The following FBXL18 variants were observed in gnomAD, a reference collection of about 807,000 sequenced individuals.
FBXL18 encodes F-box and leucine rich repeat protein 18.
In FBXL18, 36 loss-of-function variants were observed where a neutral mutation model predicts 46.0. The observed-to-expected ratio is 0.78, with a 90% CI of 0.60 to 1.03. FBXL18 has a LOEUF of 1.03. FBXL18 is among the 50% of genes least tolerant of loss of function. The pLI is 0.00. For missense variants in FBXL18, 977 were observed against 1,004.1 expected (o/e 0.97, Z 0.36); for synonymous variants, 557 against 465.3 (o/e 1.20, Z -2.54).
downstream of FBXL18, among the ~76,000 whole-genome samples, chr7:5,473,591 G>A (rs763143190): frequency 6.6e-6 from 1 of 151,502 alleles, no homozygotes; most frequent in African/African-American, 2.4e-5. Flanking sequence ...GTGAAACCCC[G>A]TCTCTACTAA....
At chr7:5,465,368 T>C (rs1012489129) in intron 4 of FBXL18, among the ~76,000 whole-genome samples, 1 of 151,916 alleles carries the variant, frequency 6.6e-6, no homozygotes. Flanking sequence ...ACACAGGTAA[T>C]TTTTGTATGT....
intron 4 of FBXL18, among the ~76,000 whole-genome samples, chr7:5,463,704 A>ATATATATATATATATATATAT (rs1562672177): frequency 2.3e-5 from 1 of 43,986 alleles, no homozygotes; most frequent in Non-Finnish European, 4.0e-5. Flanking sequence ...CTATATATAT[A>ATATATATATATATATATATAT]TTTATTTATT....
downstream of FBXL18, among the ~76,000 whole-genome samples, chr7:5,471,959 G>A (rs145200518): frequency 5.3e-3 from 814 of 152,240 alleles, 10 homozygotes; most frequent in African/African-American, 0.019. Context: ...GTGGTGGGGC[G>A]CACCTACAGT....
At chr7:5,460,566 G>C (rs1321997991) in intron 4 of FBXL18, among the ~76,000 whole-genome samples, 1 of 152,212 alleles carries the variant, frequency 6.6e-6, no homozygotes, top group Non-Finnish European at 1.5e-5. Context: ...TGATTCTCAT[G>C]CCTCAACCTC....
chr7:5,481,557 C>G lies in FBXL18; in HGVS notation c.*218G>C, dbSNP rs1025513571. On this transcript the variant is annotated 3_prime_UTR_variant, in exon 5 of 5. Transcript: ENST00000382368. The stretch of plus-strand genomic sequence containing the variant: ...CCACATCGACCGTCCCCCGAGCCCC[C>G]TCATGTCACCCAGAACGCATCCCCT... The G allele has an allele frequency of 1.7e-5, 9 of 531,832 alleles. No individual in the cohort carries two copies. Among genetic ancestry groups the G allele is most frequent in the Non-Finnish European group, 3.0e-5 (9 of 298,016 alleles). 32.9% of individuals were successfully genotyped at this position (531,832 alleles called of 1,614,324 possible).
chr7:5,505,348 G>C, intron 2 of FBXL18, 64 bp downstream of exon 2: 2 of 1,474,336 alleles, frequency 1.4e-6, no homozygotes, highest in Non-Finnish European at 1.9e-6. Context: ...CTGCAGGGCT[G>C]TGCCCAGTCC....
rs574041787 is a variant in FBXL18, at chr7:5,499,171, C to T, written c.1781+1317G>A. 3.9e-5 allele frequency among the ~76,000 whole-genome samples: 6 copies of T among 152,236 alleles called. No homozygotes were observed. The East Asian group carries it at 7.7e-4, about 20-fold the overall frequency. ...GGAGTCTGTGGTCCCCCTCCTGAGC[C>T]GACCTCTCCTGTCTCCTCCATCCTG... is the stretch of plus-strand genomic sequence containing the variant. On this transcript the variant is annotated intron_variant, in intron 3 of 4. Coordinates refer to ENST00000382368, the MANE Select transcript of FBXL18 (RefSeq NM_024963.6).
In FBXL18 at chr7:5,500,632, G is replaced by C. The variant is rs766143098; in HGVS notation, c.1637C>G (p.Thr546Arg). The change falls in exon 3 of 5, where the codon ACG (threonine) becomes AGG (arginine). Residue 546 changes from threonine (T) to arginine (R), a missense_variant. Coordinates refer to ENST00000382368, the MANE Select transcript of FBXL18 (RefSeq NM_024963.6). The stretch of plus-strand genomic sequence containing the variant: ...GCCGATATTGACCAGCCCGGAGCCC[G>C]TAAGGACGCTGGGCAGCTGTGCGAG... ...LTLAQLPSVLTGSGLVNIGLQ... is the reference protein window; with the variant it reads ...LTLAQLPSVLRGSGLVNIGLQ... 3 of 1,612,782 alleles carry C rather than the reference G, an allele frequency of 1.9e-6. No individual in the cohort carries two copies. The African/African-American group carries it at 4.0e-5, about 22-fold the overall frequency.
chr7:5,488,088 C>G (rs924471636), intron 4 of FBXL18, among the ~76,000 whole-genome samples: 6 of 152,254 alleles, frequency 3.9e-5, no homozygotes, highest in Non-Finnish European at 5.9e-5. Flanking sequence ...CTGTGGAGCA[C>G]CAGCCTTCAA....
intron 3 of FBXL18, among the ~76,000 whole-genome samples, chr7:5,497,234 T>C (rs1293463619): frequency 6.6e-6 from 1 of 151,946 alleles, no homozygotes; most frequent in Non-Finnish European, 1.5e-5. Flanking sequence ...AAATTTTACA[T>C]GCATTTTGCG....
intron 2 of FBXL18, among the ~76,000 whole-genome samples, chr7:5,503,486 T>C (rs1270578518): frequency 6.6e-6 from 1 of 151,720 alleles, no homozygotes; most frequent in African/African-American, 2.4e-5. Context: ...CCTGAGTAGC[T>C]GGAACTACAG....
downstream of FBXL18, among the ~76,000 whole-genome samples, chr7:5,475,573 G>C (rs940683819): frequency 6.6e-6 from 1 of 152,196 alleles, no homozygotes; most frequent in Non-Finnish European, 1.5e-5. The surrounding 1 kb of genome is among the most constrained non-coding windows in gnomAD (Gnocchi z 4.2). Context: ...CCCAGCCCAA[G>C]GCTGTCTCAG....
At position 5,501,373 on chromosome 7, in the gene FBXL18, T is replaced by G; in HGVS notation, c.896A>C (p.Lys299Thr). Reference sequence around the variant, plus strand: ...GAGGGAAGAGCCGTTCAGCCAGGACTTGGGCAGCTGCAGGGCATCCAGCAC... The same window carrying G: ...GAGGGAAGAGCCGTTCAGCCAGGACGTGGGCAGCTGCAGGGCATCCAGCAC... Reference protein sequence around the residue: ...NVVLDALQLPKSWLNGSSLLQ... With the variant: ...NVVLDALQLPTSWLNGSSLLQ... The change falls in exon 3 of 5, where the codon AAG (lysine) becomes ACG (threonine). Residue 299 changes from lysine to threonine, a missense_variant. By Grantham distance (78) the Lys-to-Thr change is moderately conservative (BLOSUM62 -1). Transcript: ENST00000382368. 6.2e-7 allele frequency: 1 copy of G among 1,613,828 alleles called. No homozygotes were observed. Among genetic ancestry groups the G allele is most frequent in the Non-Finnish European group, 8.5e-7 (1 of 1,180,004 alleles).
chr7:5,484,237 G>A (rs1044030710), intron 4 of FBXL18, among the ~76,000 whole-genome samples: 17 of 152,134 alleles, frequency 1.1e-4, no homozygotes, highest in Non-Finnish European at 1.5e-5. Context: ...GGAGGCCAAG[G>A]CGGGTGGATC....
intron 1 of FBXL18, among the ~76,000 whole-genome samples, chr7:5,512,071 T>TTA (rs1562710722): frequency 7.7e-6 from 1 of 130,568 alleles, no homozygotes; most frequent in Admixed American, 7.6e-5. Flanking sequence ...CCGTCTCTAG[T>TTA]AAAAAAAAAA....
At chr7:5,470,576 C>T (rs1018634120) in intron 4 of FBXL18, among the ~76,000 whole-genome samples, 1 of 152,172 alleles carries the variant, frequency 6.6e-6, no homozygotes, top group Non-Finnish European at 1.5e-5. Context: ...AGTGTCACCA[C>T]GGCCAGCCTT....
At chr7:5,484,056 T>C (rs1258787781) in intron 4 of FBXL18, among the ~76,000 whole-genome samples, 1 of 152,210 alleles carries the variant, frequency 6.6e-6, no homozygotes, top group Non-Finnish European at 1.5e-5. Flanking sequence ...GCAATGTCCA[T>C]GACCGTGAAC....
At chr7:5,463,843 C>T (rs1435808974) in intron 4 of FBXL18, among the ~76,000 whole-genome samples, 9 of 149,070 alleles carry the variant, frequency 6.0e-5, no homozygotes, top group Non-Finnish European at 1.0e-4. Flanking sequence ...CAGGTTCAAG[C>T]GATTCTCCTG....
chr7:5,475,644 A>G (rs1783496906), downstream of FBXL18, among the ~76,000 whole-genome samples: 1 of 151,978 alleles, frequency 6.6e-6, no homozygotes, highest in Non-Finnish European at 1.5e-5. The surrounding 1 kb of genome is among the most constrained non-coding windows in gnomAD (Gnocchi z 4.2). Flanking sequence ...TTGTGTCTCC[A>G]TCCACACACC....
Sources: gnomAD v4.1 joint callset for allele counts (sites outside exome capture counted in the v4.1 genomes callset) on GRCh38, gnomAD v4.1.1 for gene constraint, Gnocchi (gnomAD v3.1) non-coding constraint, MANE v1.5 for transcripts, NCBI Gene and HGNC (gene_info 2026-07-23, HGNC 2026-07-21) for gene names.